Variants in DMGDH observed in about 807,000 individuals in gnomAD.
The protein encoded by DMGDH is dimethylglycine dehydrogenase, mitochondrial.
Under a neutral mutation model 95.2 loss-of-function variants are expected in DMGDH, and 76 were observed. The observed-to-expected ratio is 0.80, with a 90% CI of 0.66 to 0.97. The LOEUF is 0.97. DMGDH is among the 50% of genes least tolerant of loss of function. The pLI, the probability that DMGDH is intolerant of heterozygous loss-of-function variation, is 0.00. For missense variants in DMGDH, 987 were observed against 1,055.0 expected (o/e 0.94, Z 0.89); for synonymous variants, 345 against 377.6 (o/e 0.91, Z 1.00).
intron 7 of DMGDH, among the ~76,000 whole-genome samples, chr5:79,037,965 G>T (rs1230668339): frequency 6.6e-6 from 1 of 152,178 alleles, no homozygotes; most frequent in Non-Finnish European, 1.5e-5. Flanking sequence ...TCATGGATCA[G>T]AATACTTAAT....
intron 1 of DMGDH, 50 bp downstream of exon 1, chr5:79,069,470 C>A: frequency 8.6e-7 from 1 of 1,167,526 alleles, no homozygotes; most frequent in South Asian, 4.2e-5. Context: ...CTCTGGCTCC[C>A]ACCCCCGCAG....
rs781754093 is a variant in DMGDH, at chr5:79,028,616, C to A, written c.1849G>T (p.Asp617Tyr). 3.2e-5 allele frequency: 51 copies of A among 1,614,190 alleles called. No homozygotes were observed. In the South Asian group the frequency reaches 5.6e-4, roughly 18 times the overall value. The change falls in exon 12 of 16, where the codon GAT (aspartate) becomes TAT (tyrosine). Residue 617 changes from aspartate (D) to tyrosine (Y), a missense_variant. Transcript: ENST00000255189. The part of the protein sequence containing the change: ...IEEEAVKGGY[D>Y]VEIKNITDEL... ...TCAGTTATGTTTTTAATTTCAACAT[C>A]ATATCCACCTTTGACTGCTTCTTCT...
At chr5:79,033,913 C>T (rs1319662985) in intron 7 of DMGDH, among the ~76,000 whole-genome samples, 1 of 152,016 alleles carries the variant, frequency 6.6e-6, no homozygotes, top group Non-Finnish European at 1.5e-5. Flanking sequence ...GCCTGGGTAA[C>T]AAAGCAAGAC....
rs56141633 is a variant in DMGDH, at chr5:79,006,215, C to CAA, written c.2251-810_2251-809dup. On this transcript the variant is annotated intron_variant, in intron 14 of 15. Transcript: ENST00000255189. The stretch of plus-strand genomic sequence containing the variant: ...ACCTTGAATTCATTCTTATGTGTTA[C>CAA]AAAAAAAAAAAAAAAAGTAGGAATC... Among the ~76,000 whole-genome samples, 941 of 127,764 alleles carry CAA rather than the reference C, an allele frequency of 7.4e-3. 3 individuals carry two copies. The highest frequency in any genetic ancestry group is 0.02 in the Middle Eastern group (5 of 248). 83.8% of individuals were successfully genotyped at this position (127,764 alleles called of 152,430 possible).
intron 4 of DMGDH, among the ~76,000 whole-genome samples, chr5:79,052,612 C>A (rs1754902913): frequency 6.6e-6 from 1 of 152,186 alleles, no homozygotes; most frequent in African/African-American, 2.4e-5. Context: ...TGGTTTGGTA[C>A]CTTCTCCCAG....
rs1251094569 is a variant in DMGDH, at chr5:79,033,383, C to A, written c.1219G>T (p.Val407Leu). 3 of 1,614,028 alleles carry A rather than the reference C, an allele frequency of 1.9e-6. No homozygotes were observed. The highest frequency in any genetic ancestry group is 2.2e-5 in the East Asian group (1 of 44,894). ...FGYGIIHAGGVGKYLSDWILH... is the reference protein window; with the variant it reads ...FGYGIIHAGGLGKYLSDWILH... ...ATCCAGTCACTGAGATATTTCCCTA[C>A]CCCACCAGCGTGGATTATGCCATAT... The change falls in exon 8 of 16, where the codon GTA (valine) becomes TTA (leucine). Residue 407 changes from valine (V) to leucine (L), a missense_variant. Transcript: ENST00000255189.
At chr5:79,055,680 C>G (rs1202469006) in intron 3 of DMGDH, 130 bp downstream of exon 3, 2 of 700,702 alleles carry the variant, frequency 2.9e-6, no homozygotes, top group African/African-American at 3.6e-5. Flanking sequence ...ACCTTAAACT[C>G]TCATCATATT....
intron 2 of DMGDH, among the ~76,000 whole-genome samples, chr5:79,060,733 A>T (rs1755178584): frequency 6.6e-6 from 1 of 151,706 alleles, no homozygotes; most frequent in African/African-American, 2.4e-5. Flanking sequence ...ATCCTGGCCA[A>T]CATGGTGAAA....
chr5:79,028,161 C>A (rs1754052074), intron 12 of DMGDH, among the ~76,000 whole-genome samples: 1 of 151,956 alleles, frequency 6.6e-6, no homozygotes, highest in Non-Finnish European at 1.5e-5. Context: ...TTTATCTGCC[C>A]TTCCAGATGG....
chr5:79,052,145 T>C (rs1580223053), intron 4 of DMGDH, among the ~76,000 whole-genome samples: 2 of 152,364 alleles, frequency 1.3e-5, no homozygotes, highest in African/African-American at 4.8e-5. Flanking sequence ...CAACCCTGCA[T>C]TCCTGGAATA....
At chr5:79,008,515 A>T (rs1580183977) in intron 14 of DMGDH, among the ~76,000 whole-genome samples, 1 of 152,272 alleles carries the variant, frequency 6.6e-6, no homozygotes, top group South Asian at 2.1e-4. Context: ...GCCCTAATGG[A>T]GCCACTTAAA....
chr5:79,064,768 A>G (rs1333076923), intron 1 of DMGDH, among the ~76,000 whole-genome samples: 3 of 151,460 alleles, frequency 2.0e-5, no homozygotes, highest in African/African-American at 7.3e-5. Flanking sequence ...TTTTTTTTCC[A>G]AGACAGAGTA....
rs1003555281 is a variant in DMGDH, at chr5:79,021,767, G to A, written c.2250+2504C>T. The A allele has an allele frequency of 1.4e-5, 17 of 1,226,930 alleles. No homozygotes were observed. The South Asian group carries it at 1.6e-4, about 12-fold the overall frequency. The allele number at this position is 1,226,930 out of a possible 1,614,324, so 76.0% of individuals were successfully genotyped here. Reference sequence around the variant, plus strand: ...AAGGTAGTCCATACAAACAATATATGTTACCAGAGAGAGAAATTCTTGGGC... The same window carrying A: ...AAGGTAGTCCATACAAACAATATATATTACCAGAGAGAGAAATTCTTGGGC... On this transcript the variant is annotated intron_variant, in intron 14 of 15. Coordinates refer to ENST00000255189, the MANE Select transcript of DMGDH (RefSeq NM_013391.3).
intron 1 of DMGDH, among the ~76,000 whole-genome samples, chr5:79,068,495 C>T (rs778891978): frequency 1.8e-4 from 27 of 152,056 alleles, no homozygotes; most frequent in Non-Finnish European, 3.4e-4. Context: ...TAACAGATGG[C>T]GCAGGAACTG....
At chr5:79,036,086 C>T (rs745537690) in intron 7 of DMGDH, among the ~76,000 whole-genome samples, 1 of 152,200 alleles carries the variant, frequency 6.6e-6, no homozygotes, top group Admixed American at 6.5e-5. Context: ...AACCACCCTG[C>T]GCTTCATTCT....
chr5:79,021,548 A>G, intron 14 of DMGDH: 1 of 1,289,534 alleles, frequency 7.8e-7, no homozygotes, highest in Non-Finnish European at 1.0e-6. Context: ...AGAGTTCTTC[A>G]GTACTCCATT....
At chr5:79,040,536 G>A (rs766330779) in intron 7 of DMGDH, among the ~76,000 whole-genome samples, 8 of 152,136 alleles carry the variant, frequency 5.3e-5, no homozygotes, top group Middle Eastern at 3.2e-3. Flanking sequence ...AAATCTTCAC[G>A]AACTTGGATT....
intron 15 of DMGDH, chr5:79,000,213 G>A (rs911664837): frequency 3.2e-6 from 2 of 615,736 alleles, no homozygotes; most frequent in African/African-American, 3.7e-5. Flanking sequence ...AAGTGATCTG[G>A]TCCTACAGAA....
intron 7 of DMGDH, among the ~76,000 whole-genome samples, chr5:79,033,683 C>T (rs540717386): frequency 3.0e-4 from 45 of 152,304 alleles, no homozygotes; most frequent in Non-Finnish European, 5.3e-4. Context: ...CTAACTCACA[C>T]CTGTAATCCC....
Sources: allele counts gnomAD v4.1 joint callset (sites outside exome capture counted in the v4.1 genomes callset), GRCh38; gene constraint gnomAD v4.1.1; transcripts MANE v1.5; gene names NCBI Gene and HGNC (gene_info 2026-07-23, HGNC 2026-07-21).